The following RXRA variants were observed in gnomAD, a reference collection of about 807,000 sequenced individuals.
RXRA encodes retinoid X receptor alpha.
In RXRA, 5 loss-of-function variants were observed where a neutral mutation model predicts 44.5. That is an observed-to-expected ratio of 0.11 (90% CI 0.06 to 0.24). The LOEUF (loss-of-function observed/expected upper bound fraction) is 0.24, where lower values mean the gene tolerates loss of function less well. Among genes scored for constraint, RXRA ranks in the 10% least tolerant of loss-of-function variants. The pLI, the probability that RXRA is intolerant of heterozygous loss-of-function variation, is 1.00. For missense variants in RXRA, 412 were observed against 646.5 expected (o/e 0.64, Z 3.93); for synonymous variants, 291 against 271.4 (o/e 1.07, Z -0.71).
rs1359347742 is a variant in RXRA at position 134,438,881 on chromosome 9, C to T, written c.*2267C>T. 6.6e-6 allele frequency: 1 copy of T among 152,266 alleles called. No homozygotes were observed. The highest frequency in any genetic ancestry group is 6.5e-5 in the Admixed American group (1 of 15,278). 9.4% of individuals were successfully genotyped at this position (152,266 alleles called of 1,614,324 possible). ...CTGGCTGGCTGTAAAGCACTGAAGC[C>T]CCCCGGCCGCCAACCCCTGAAAGCA... On this transcript the variant is annotated 3_prime_UTR_variant, in exon 10 of 10. Transcript: ENST00000481739.
chr9:134,369,159 C>CA, intron 1 of RXRA, among the ~76,000 whole-genome samples: 1 of 32,396 alleles, frequency 3.1e-5, no homozygotes. Context: ...TGTGTGAGTG[C>CA]GGGGCTTGTG....
intron 1 of RXRA, among the ~76,000 whole-genome samples, chr9:134,344,579 A>AGGCCCTG (rs1564262662): frequency 6.6e-6 from 1 of 151,980 alleles, no homozygotes; most frequent in African/African-American, 2.4e-5. Context: ...GCTGGATCCC[A>AGGCCCTG]GGCCCTGGGC....
rs899974006 is a variant in RXRA at position 134,349,333 on chromosome 9, G to T, written c.28+22674G>T. Among the ~76,000 whole-genome samples, 1 of 152,198 alleles carries T rather than the reference G, an allele frequency of 6.6e-6. No homozygotes were observed. The highest frequency in any genetic ancestry group is 6.5e-5 in the Admixed American group (1 of 15,278). On this transcript the variant is annotated intron_variant, in intron 1 of 9. Coordinates refer to ENST00000481739, the MANE Select transcript of RXRA (RefSeq NM_002957.6). The surrounding 1 kb of genome is among the most constrained non-coding windows in gnomAD (Gnocchi z 4.3). ...TGTCATTGGTGGGCCTGTTGGGCCG[G>T]GGCGCCTCGGCCTGGTGGAGGGCTT... is the stretch of plus-strand genomic sequence containing the variant.
At chr9:134,363,764 C>T (rs1053355934) in intron 1 of RXRA, among the ~76,000 whole-genome samples, 3 of 152,230 alleles carry the variant, frequency 2.0e-5, no homozygotes, top group Admixed American at 6.5e-5. Context: ...CCAGGCCGCC[C>T]TGAGCATGGG....
At chr9:134,380,225 G>A in intron 1 of RXRA, 1 of 977,654 alleles carries the variant, frequency 1.0e-6, no homozygotes, top group Non-Finnish European at 1.2e-6. Context: ...GGCCCCGTGA[G>A]TCACGCCGAT....
chr9:134,350,609 C>G (rs1054385254), intron 1 of RXRA, among the ~76,000 whole-genome samples: 2 of 152,212 alleles, frequency 1.3e-5, no homozygotes, highest in Non-Finnish European at 2.9e-5. Flanking sequence ...CTGTGCTCAC[C>G]CACACGGGGA....
intron 1 of RXRA, chr9:134,380,210 G>T (rs964881974): frequency 2.0e-6 from 2 of 983,494 alleles, no homozygotes; most frequent in South Asian, 9.4e-5. Context: ...CGGAGGTGGC[G>T]TGCCGGCCCC....
intron 6 of RXRA, among the ~76,000 whole-genome samples, chr9:134,428,056 C>G (rs142595423): frequency 2.4e-4 from 37 of 152,292 alleles, no homozygotes; most frequent in African/African-American, 8.9e-4. Context: ...GCCCTTAAAA[C>G]AGCAGTGCGT....
intron 4 of RXRA, among the ~76,000 whole-genome samples, chr9:134,410,372 G>A (rs933396660): frequency 9.2e-5 from 14 of 152,234 alleles, no homozygotes; most frequent in Non-Finnish European, 1.5e-4. Flanking sequence ...GAGGGCAGAC[G>A]GTTCAAGCCT....
chr9:134,378,548 G>C (rs1250415207), intron 1 of RXRA, among the ~76,000 whole-genome samples: 1 of 152,218 alleles, frequency 6.6e-6, no homozygotes, highest in Non-Finnish European at 1.5e-5. Context: ...CGAGGGAATA[G>C]GCTGTGGCCC....
intron 1 of RXRA, among the ~76,000 whole-genome samples, chr9:134,353,181 A>G (rs535954118): frequency 2.2e-4 from 33 of 152,044 alleles, no homozygotes; most frequent in African/African-American, 7.5e-4. Flanking sequence ...AAGAATCCCA[A>G]CTTTTACTTT....
At chr9:134,354,287 C>T (rs546804933) in intron 1 of RXRA, among the ~76,000 whole-genome samples, 295 of 152,328 alleles carry the variant, frequency 1.9e-3, no homozygotes, top group African/African-American at 6.9e-3. Context: ...TCCCTTCTAC[C>T]GGGAGCTTAG....
intron 1 of RXRA, among the ~76,000 whole-genome samples, chr9:134,360,120 T>G (rs1166312036): frequency 1.3e-5 from 2 of 152,102 alleles, no homozygotes; most frequent in Non-Finnish European, 2.9e-5. Flanking sequence ...GCCCCAGGGC[T>G]TTACCTAAGG....
At position 134,407,017 on chromosome 9, in the gene RXRA, G is replaced by A. The variant is rs1424509051; in HGVS notation, c.280-1132G>A. On this transcript the variant is annotated intron_variant, in intron 2 of 9. Transcript: ENST00000481739. The surrounding 1 kb of genome is among the most constrained non-coding windows in gnomAD (Gnocchi z 4.8). Reference sequence around the variant, plus strand: ...CACCCCCACTGTGCTGAGTTGTCACGGGGGACCTCCTGGCCTCTCGCAGCC... The same window carrying A: ...CACCCCCACTGTGCTGAGTTGTCACAGGGGACCTCCTGGCCTCTCGCAGCC... Among the ~76,000 whole-genome samples the A allele has an allele frequency of 2.6e-5, 4 of 152,280 alleles. No individual in the cohort carries two copies. Among genetic ancestry groups the A allele is most frequent in the East Asian group, 3.9e-4 (2 of 5,174 alleles).
intron 1 of RXRA, among the ~76,000 whole-genome samples, chr9:134,362,456 G>A (rs1375681426): frequency 3.3e-5 from 5 of 152,218 alleles, no homozygotes; most frequent in Non-Finnish European, 7.3e-5. Context: ...CCAGCGGCTT[G>A]TCCAAGGTTT....
intron 1 of RXRA, among the ~76,000 whole-genome samples, chr9:134,372,762 A>C (rs1830506199): frequency 6.6e-6 from 1 of 152,188 alleles, no homozygotes; most frequent in Non-Finnish European, 1.5e-5. Flanking sequence ...CACAGGGCCC[A>C]GCAGGGCGTG....
intron 1 of RXRA, among the ~76,000 whole-genome samples, chr9:134,364,634 G>A (rs1050957423): frequency 2.0e-5 from 3 of 152,202 alleles, no homozygotes; most frequent in African/African-American, 7.2e-5. Context: ...TGCCAGGGGT[G>A]TGGATATGGC....
chr9:134,372,528 T>A (rs766493779), intron 1 of RXRA, among the ~76,000 whole-genome samples: 2 of 152,108 alleles, frequency 1.3e-5, no homozygotes, highest in Non-Finnish European at 2.9e-5. Flanking sequence ...GGCACACGGC[T>A]TAGAGGGCAT....
At chr9:134,331,808 G>A (rs749219344) in intron 1 of RXRA, among the ~76,000 whole-genome samples, 40 of 152,194 alleles carry the variant, frequency 2.6e-4, no homozygotes, top group Non-Finnish European at 4.0e-4. Context: ...GGCGGGGGCC[G>A]CCTTGAGCTC....
Sources: allele counts gnomAD v4.1 joint callset (sites outside exome capture counted in the v4.1 genomes callset), GRCh38; gene constraint gnomAD v4.1.1; non-coding constraint Gnocchi (gnomAD v3.1); transcripts MANE v1.5; gene names NCBI Gene and HGNC (gene_info 2026-07-23, HGNC 2026-07-21).